The following CHLSN variants were observed in gnomAD, a reference collection of about 807,000 sequenced individuals.
CHLSN encodes the protein cholesin.
At chr7:994,568 C>G in the CHLSN span, among the ~76,000 whole-genome samples, 1 of 152,016 alleles carries the variant, frequency 6.6e-6, no homozygotes, top group African/African-American at 2.4e-5. Flanking sequence ...CTCAGCCTCC[C>G]GAGTAGCTGT....
At chr7:1,049,127 G>GCCT in the CHLSN span, among the ~76,000 whole-genome samples, 1 of 152,236 alleles carries the variant, frequency 6.6e-6, no homozygotes, top group African/African-American at 2.4e-5. Flanking sequence ...CCTGGGGGCT[G>GCCT]CCTCCTCCTC....
chr7:1,119,605 G>A, the CHLSN span, among the ~76,000 whole-genome samples: 291 of 152,352 alleles, frequency 1.9e-3, 1 homozygote, highest in Admixed American at 4.6e-3. Context: ...GCTGGGCGCA[G>A]TGGCTCACGC....
At chr7:1,079,635 G>A in the CHLSN span, among the ~76,000 whole-genome samples, 80 of 152,334 alleles carry the variant, frequency 5.3e-4, no homozygotes, top group Admixed American at 1.9e-3. Context: ...GACGTGTGAC[G>A]GGAAGTGGCA....
At chr7:979,850 C>CT in the CHLSN span, among the ~76,000 whole-genome samples, 2 of 152,180 alleles carry the variant, frequency 1.3e-5, no homozygotes, top group Middle Eastern at 3.2e-3. Flanking sequence ...AGGGCGCACA[C>CT]TTTTTTCCGC....
the CHLSN span, among the ~76,000 whole-genome samples, chr7:1,115,471 C>G: frequency 6.6e-6 from 1 of 152,092 alleles, no homozygotes; most frequent in Non-Finnish European, 1.5e-5. Context: ...TCATCACCAA[C>G]GCCCACGCAG....
At chr7:1,077,013 C>G in the CHLSN span, among the ~76,000 whole-genome samples, 1 of 152,234 alleles carries the variant, frequency 6.6e-6, no homozygotes, top group South Asian at 2.1e-4. Flanking sequence ...GGGCAGAGGG[C>G]CGAGACCCCC....
At chr7:994,473 A>T in the CHLSN span, among the ~76,000 whole-genome samples, 2,178 of 151,718 alleles carry the variant, frequency 0.014, 117 homozygotes, top group East Asian at 0.19. Flanking sequence ...CACCGCACTA[A>T]ATTTTTTTTA....
the CHLSN span, among the ~76,000 whole-genome samples, chr7:995,042 G>A: frequency 6.6e-6 from 1 of 152,260 alleles, no homozygotes; most frequent in African/African-American, 2.4e-5. Context: ...GGCTAAGGCG[G>A]GGCTTCCTTA....
At chr7:1,048,954 T>C in the CHLSN span, among the ~76,000 whole-genome samples, 3 of 152,252 alleles carry the variant, frequency 2.0e-5, no homozygotes, top group Non-Finnish European at 1.5e-5. Context: ...AAATTCATTG[T>C]GTTGGTATCA....
the CHLSN span, among the ~76,000 whole-genome samples, chr7:1,017,308 A>G: frequency 6.6e-6 from 1 of 152,030 alleles, no homozygotes; most frequent in African/African-American, 2.4e-5. Flanking sequence ...CCACCAGCCC[A>G]GCCTGCCGTG....
At chr7:1,002,168 C>T in the CHLSN span, among the ~76,000 whole-genome samples, 1 of 93,888 alleles carries the variant, frequency 1.1e-5, no homozygotes, top group Non-Finnish European at 2.1e-5. Context: ...TGAGTGGAGT[C>T]CTGCAGGTGG....
the CHLSN span, chr7:984,667 AGGGT>A: frequency 6.8e-7 from 1 of 1,479,794 alleles, no homozygotes; most frequent in Non-Finnish European, 9.0e-7. Flanking sequence ...AGAGGCTCCC[AGGGT>A]GGCCTGGGGA....
chr7:1,070,856 ATGCACACGGGTG>A, the CHLSN span, among the ~76,000 whole-genome samples: 2 of 147,238 alleles, frequency 1.4e-5, no homozygotes, highest in Non-Finnish European at 3.0e-5. Flanking sequence ...GCACACGGAC[ATGCACACGGGTG>A]CGCACACGTG....
At chr7:1,064,446 CAG>C in the CHLSN span, among the ~76,000 whole-genome samples, 222 of 152,072 alleles carry the variant, frequency 1.5e-3, no homozygotes, top group African/African-American at 5.3e-3. Context: ...AAGGTGAGGG[CAG>C]AAGGAACAGC....
chr7:1,062,871 T>C, the CHLSN span, among the ~76,000 whole-genome samples: 1 of 152,134 alleles, frequency 6.6e-6, no homozygotes, highest in Non-Finnish European at 1.5e-5. Context: ...CCATTTCACA[T>C]GTACCCCTAC....
At chr7:1,043,933 G>A in the CHLSN span, 13 of 152,362 alleles carry the variant, frequency 8.5e-5, no homozygotes, top group East Asian at 2.1e-3. Context: ...CTGCAGGGGG[G>A]ACTGTTTCAC....
At chr7:1,014,701 A>C in the CHLSN span, among the ~76,000 whole-genome samples, 1 of 152,272 alleles carries the variant, frequency 6.6e-6, no homozygotes, top group African/African-American at 2.4e-5. Context: ...ACTGGACACC[A>C]ATCTCCACGG....
chr7:998,580 G>T, the CHLSN span, among the ~76,000 whole-genome samples: 131 of 151,752 alleles, frequency 8.6e-4, no homozygotes, highest in Non-Finnish European at 1.6e-3. Context: ...AAGTAGCTGG[G>T]ATTATAGGCA....
the CHLSN span, among the ~76,000 whole-genome samples, chr7:1,117,944 G>A: frequency 1.3e-5 from 2 of 152,176 alleles, no homozygotes; most frequent in African/African-American, 4.8e-5. Flanking sequence ...TAGAAGCTGG[G>A]ACCACAGGCC....
Sources: allele counts gnomAD v4.1 joint callset (sites outside exome capture counted in the v4.1 genomes callset), GRCh38; gene constraint gnomAD v4.1.1; transcripts MANE v1.5; gene names NCBI Gene and HGNC (gene_info 2026-07-23, HGNC 2026-07-21).